The following PDCD10 variants were observed in gnomAD, a reference collection of about 807,000 sequenced individuals.
PDCD10 encodes the protein programmed cell death 10.
A neutral mutation model predicts 29.2 loss-of-function variants in PDCD10; 4 were observed. The ratio of observed to expected loss-of-function variants is 0.14; its 90% CI spans 0.07 to 0.31. The LOEUF (loss-of-function observed/expected upper bound fraction) is 0.31. Ranked by LOEUF, PDCD10 falls within the 10% of genes least tolerant of loss-of-function variation. The pLI is 1.00. For missense variants in PDCD10, 183 were observed against 257.9 expected, an observed-to-expected ratio of 0.71 and a Z score of 1.99; for synonymous variants, 70 against 82.2, an observed-to-expected ratio of 0.85 and a Z score of 0.80.
chr3:167,685,411 A>G (rs1333658344), intron 8 of PDCD10, among the ~76,000 whole-genome samples: 1 of 151,258 alleles, frequency 6.6e-6, no homozygotes, highest in Non-Finnish European at 1.5e-5. Context: ...AAAAAAAAAA[A>G]AAAAAAAAAG....
At chr3:167,685,428 G>A (rs1719509518) in intron 8 of PDCD10, among the ~76,000 whole-genome samples, 1 of 149,296 alleles carries the variant, frequency 6.7e-6, no homozygotes, top group Non-Finnish European at 1.5e-5. Context: ...AAAGAGAAGG[G>A]CCAGGAAGAA....
intron 2 of PDCD10, 54 bp from the exon 3 acceptor site, chr3:167,720,327 A>G (rs1723443820): frequency 6.9e-6 from 4 of 579,242 alleles, no homozygotes; most frequent in Non-Finnish European, 9.2e-6. Flanking sequence ...AGAAACGACA[A>G]ATACCAATAA....
Position 167,695,532 on chromosome 3 carries a change from G to A in PDCD10, c.395+64C>T, listed in dbSNP as rs1021620084. ...GTTAGTCATACCAAAATTAAAAAATGTAGATGAGTAGTTCCTCGGAAGTAC... is the reference window on the plus strand; with the variant it reads ...GTTAGTCATACCAAAATTAAAAAATATAGATGAGTAGTTCCTCGGAAGTAC... On this transcript the variant is annotated intron_variant, in intron 6 of 8. Transcript: ENST00000392750. The A allele has an allele frequency of 7.6e-6, 11 of 1,439,718 alleles. No individual in the cohort carries two copies. In the Admixed American group the frequency reaches 1.7e-4, roughly 22 times the overall value. 89.2% of individuals were successfully genotyped at this position (1,439,718 alleles called of 1,614,324 possible). A position where few individuals can be genotyped will look rare whatever the true frequency, so the allele number is the denominator to read the frequency against.
rs562540111 is a variant in PDCD10 at position 167,730,210 on chromosome 3, T to G, written c.-117+4004A>C. The stretch of plus-strand genomic sequence containing the variant: ...AATAAATGTGCTTTCATTTTTTGCA[T>G]TGTGTGTGTGTGTGTGTCCCTAAAG... On this transcript the variant is annotated intron_variant, in intron 2 of 8. Transcript: ENST00000392750. 1.6e-4 allele frequency among the ~76,000 whole-genome samples: 24 copies of G among 150,734 alleles called. 1 individual carries two copies. The East Asian group carries it at 3.7e-3, about 23-fold the overall frequency.
intron 3 of PDCD10, among the ~76,000 whole-genome samples, chr3:167,719,177 T>C (rs1723327965): frequency 6.6e-6 from 1 of 152,122 alleles, no homozygotes; most frequent in African/African-American, 2.4e-5. Context: ...TGAAAATTCA[T>C]TGGAAATGGT....
intron 3 of PDCD10, among the ~76,000 whole-genome samples, chr3:167,707,367 TA>T (rs1722080671): frequency 1.3e-5 from 2 of 152,186 alleles, no homozygotes; most frequent in South Asian, 4.1e-4. Flanking sequence ...CGTCTTTGGC[TA>T]GGGTAACTTT....
Position 167,704,908 on chromosome 3 carries a change from T to C in PDCD10, c.97-13A>G. Reference sequence around the variant, plus strand: ...TTACTCGTTCTAGCTGCAATAAAAATTTTAAATTATTATGAATATCAACTT... The same window carrying C: ...TTACTCGTTCTAGCTGCAATAAAAACTTTAAATTATTATGAATATCAACTT... On this transcript the variant is annotated splice_polypyrimidine_tract_variant and intron_variant, in intron 3 of 8. Transcript: ENST00000392750. 6.4e-7 allele frequency: 1 copy of C among 1,569,630 alleles called. No individual in the cohort carries two copies. Among genetic ancestry groups the C allele is most frequent in the Non-Finnish European group, 8.7e-7 (1 of 1,142,994 alleles).
intron 6 of PDCD10, among the ~76,000 whole-genome samples, chr3:167,692,070 C>A (rs1428963689): frequency 6.6e-6 from 1 of 152,172 alleles, no homozygotes; most frequent in African/African-American, 2.4e-5. Context: ...AATGTCAAAT[C>A]TTCATAGAAA....
intron 3 of PDCD10, among the ~76,000 whole-genome samples, chr3:167,706,308 T>G (rs907775322): frequency 6.6e-6 from 1 of 152,204 alleles, no homozygotes; most frequent in Non-Finnish European, 1.5e-5. Context: ...TGGGAGTCAC[T>G]TGGAGATACA....
At chr3:167,721,885 AACG>A (rs1171487272) in intron 2 of PDCD10, among the ~76,000 whole-genome samples, 2 of 152,196 alleles carry the variant, frequency 1.3e-5, no homozygotes, top group Admixed American at 1.3e-4. Flanking sequence ...GAGGAAGAAT[AACG>A]ACAAGGAAAA....
intron 2 of PDCD10, among the ~76,000 whole-genome samples, chr3:167,732,736 T>C (rs1390761193): frequency 2.0e-5 from 3 of 152,236 alleles, no homozygotes; most frequent in Admixed American, 1.3e-4. Context: ...ATGACAGAGT[T>C]ACATGCCAAA....
At chr3:167,705,396 T>C (rs1181489337) in intron 3 of PDCD10, among the ~76,000 whole-genome samples, 1 of 152,176 alleles carries the variant, frequency 6.6e-6, no homozygotes. Context: ...AACAATGTAA[T>C]CTATATAGAT....
chr3:167,684,100 CA>C lies in PDCD10; in HGVS notation c.*207del. 1 of 476,012 alleles carries C rather than the reference CA, an allele frequency of 2.1e-6. No homozygotes were observed. Among genetic ancestry groups the C allele is most frequent in the Non-Finnish European group, 3.8e-6 (1 of 261,240 alleles). The allele number at this position is 476,012 out of a possible 1,614,324, so 29.5% of individuals were successfully genotyped here. On this transcript the variant is annotated 3_prime_UTR_variant, in exon 9 of 9. Coordinates refer to ENST00000392750, the MANE Select transcript of PDCD10 (RefSeq NM_007217.4). ...ATAATTCTTAAAAGAATGATAATAG[CA>C]AAAGTGATGCAAAATCTTCAGTGTG...
At chr3:167,695,293 C>G (rs1720685252) in intron 6 of PDCD10, among the ~76,000 whole-genome samples, 1 of 152,240 alleles carries the variant, frequency 6.6e-6, no homozygotes, top group African/African-American at 2.4e-5. Context: ...TACTACCAAT[C>G]TCTAGGATAT....
intron 6 of PDCD10, chr3:167,694,574 A>G (rs1237174016): frequency 6.5e-6 from 1 of 153,874 alleles, no homozygotes; most frequent in Non-Finnish European, 1.4e-5. Flanking sequence ...GCTGACAACC[A>G]CATCAATCTC....
At chr3:167,705,207 C>T (rs1721858048) in intron 3 of PDCD10, among the ~76,000 whole-genome samples, 1 of 151,814 alleles carries the variant, frequency 6.6e-6, no homozygotes, top group East Asian at 1.9e-4. Flanking sequence ...TTCAGTGAAC[C>T]AAAGGCACAG....
rs1720901079 is a variant in PDCD10, at chr3:167,697,141, A to G, written c.151-15T>C. 7.3e-7 allele frequency: 1 copy of G among 1,366,054 alleles called. No homozygotes were observed. Among genetic ancestry groups the G allele is most frequent in the Non-Finnish European group, 1.0e-6 (1 of 955,546 alleles). The allele number at this position is 1,366,054 out of a possible 1,614,324, so 84.6% of individuals were successfully genotyped here. On this transcript the variant is annotated splice_polypyrimidine_tract_variant and intron_variant, in intron 4 of 8. Transcript: ENST00000392750. The stretch of plus-strand genomic sequence containing the variant: ...TCTTTTTCAGCCTATAATAAAGAGA[A>G]AACTAGTTTTGAAATACAGATAAGG...
intron 6 of PDCD10, among the ~76,000 whole-genome samples, chr3:167,689,853 T>A (rs1432686037): frequency 6.6e-6 from 1 of 152,162 alleles, no homozygotes. Context: ...GAAAAAATGT[T>A]CTCTAGAAAC....
intron 3 of PDCD10, among the ~76,000 whole-genome samples, chr3:167,716,277 G>A (rs1012466946): frequency 1.8e-4 from 27 of 151,870 alleles, no homozygotes; most frequent in African/African-American, 6.3e-4. Context: ...GAGGATAGTG[G>A]GGGTGGAGAA....
Sources: allele counts gnomAD v4.1 joint callset (sites outside exome capture counted in the v4.1 genomes callset), GRCh38; gene constraint gnomAD v4.1.1; transcripts MANE v1.5; gene names NCBI Gene and HGNC (gene_info 2026-07-23, HGNC 2026-07-21).